Variants in GABRG3 observed in about 807,000 individuals in gnomAD.
GABRG3 encodes gamma-aminobutyric acid receptor subunit gamma-3.
In GABRG3, 25 loss-of-function variants were observed where a neutral mutation model predicts 48.8. The ratio of observed to expected loss-of-function variants is 0.51; its 90% CI spans 0.37 to 0.72. The LOEUF (loss-of-function observed/expected upper bound fraction) is 0.72. Ranked by LOEUF, GABRG3 falls within the 30% of genes least tolerant of loss-of-function variation. The pLI is 0.00. For synonymous variants in GABRG3, 227 were observed against 217.6 expected, an observed-to-expected ratio of 1.04 and a Z score of -0.38; for missense variants, 394 against 577.9, an observed-to-expected ratio of 0.68 and a Z score of 3.26.
chr15:27,182,890 A>T (rs909416255), intron 3 of GABRG3, among the ~76,000 whole-genome samples: 2 of 152,184 alleles, frequency 1.3e-5, no homozygotes, highest in African/African-American at 4.8e-5. Flanking sequence ...TGTTTACGGG[A>T]AACCTGCAAA....
At chr15:27,154,273 G>A (rs999784282) in intron 3 of GABRG3, among the ~76,000 whole-genome samples, 13 of 152,102 alleles carry the variant, frequency 8.5e-5, no homozygotes, top group African/African-American at 3.1e-4. Flanking sequence ...TAGTAGCCCT[G>A]TATCTTCAGG....
chr15:27,449,979 A>G (rs1301336927), intron 5 of GABRG3, among the ~76,000 whole-genome samples: 2 of 152,232 alleles, frequency 1.3e-5, no homozygotes, highest in Non-Finnish European at 1.5e-5. Context: ...AAATATTCAC[A>G]ATATATGAAA....
chr15:27,028,738 G>A (rs539616672), intron 3 of GABRG3, among the ~76,000 whole-genome samples: 7 of 151,256 alleles, frequency 4.6e-5, no homozygotes, highest in African/African-American at 1.2e-4. Flanking sequence ...TCCAGGAGGC[G>A]GAGGTTGCAG....
intron 2 of GABRG3, among the ~76,000 whole-genome samples, chr15:27,004,480 A>C (rs1334965151): frequency 6.6e-6 from 1 of 151,184 alleles, no homozygotes; most frequent in Admixed American, 6.6e-5. Flanking sequence ...AGCCAGGCAG[A>C]GGGGCTCCTC....
At chr15:27,451,030 G>A (rs1889095620) in intron 5 of GABRG3, among the ~76,000 whole-genome samples, 5 of 151,988 alleles carry the variant, frequency 3.3e-5, no homozygotes. Context: ...AGAAATTAAA[G>A]AAGACACAAA....
intron 3 of GABRG3, among the ~76,000 whole-genome samples, chr15:27,187,710 A>C (rs1566958629): frequency 1.3e-5 from 2 of 151,852 alleles, no homozygotes; most frequent in Admixed American, 6.6e-5. Flanking sequence ...TCTCAGCTTC[A>C]ATGTTAATTT....
intron 3 of GABRG3, among the ~76,000 whole-genome samples, chr15:27,291,522 T>G (rs892624256): frequency 2.6e-5 from 4 of 152,206 alleles, no homozygotes; most frequent in Non-Finnish European, 4.4e-5. Flanking sequence ...TCCATCAAAG[T>G]GGCAGCAGAT....
Position 27,029,254 on chromosome 15 carries a change from G to C in GABRG3, c.270+2433G>C, listed in dbSNP as rs896468917. Among the ~76,000 whole-genome samples the C allele has an allele frequency of 2.0e-5, 3 of 152,194 alleles. 1 individual carries two copies. In the South Asian group the frequency reaches 6.2e-4, roughly 32 times the overall value. ...TTGGAAGCAGCTGGCACGCAGCCCT[G>C]GGGAAGCCGAATGCTAGCAAGTGCT... is the stretch of plus-strand genomic sequence containing the variant. On this transcript the variant is annotated intron_variant, in intron 3 of 9. Coordinates refer to ENST00000615808, the MANE Select transcript of GABRG3 (RefSeq NM_033223.5).
Position 27,328,848 on chromosome 15 carries a change from C to T in GABRG3, c.534C>T (p.Phe178=). 1 of 1,614,044 alleles carries T rather than the reference C, an allele frequency of 6.2e-7. No homozygotes were observed. The highest frequency in any genetic ancestry group is 8.5e-7 in the Non-Finnish European group (1 of 1,179,886). The change falls in exon 5 of 10, where the codon TTC becomes TTT. Residue 178 remains phenylalanine, a synonymous_variant. Transcript: ENST00000615808. ...AGTGCCAGCTGCAGCTGCACAACTT[C>T]CCCATGGACGAACACTCCTGCCCGC... ...NAECQLQLHN[F]PMDEHSCPLI...
rs541176558 is a variant in GABRG3, at chr15:27,535,579, G to A, written c.*2698G>A. The stretch of plus-strand genomic sequence containing the variant: ...TGGATTTCACTAACTGAGCATCATA[G>A]TGTGGATTCCTGCATATACAGCAGG... On this transcript the variant is annotated 3_prime_UTR_variant, in exon 10 of 10. Transcript: ENST00000615808. 10 of 152,320 alleles carry A rather than the reference G, an allele frequency of 6.6e-5. No individual in the cohort carries two copies. The highest frequency in any genetic ancestry group is 3.9e-4 in the Admixed American group (6 of 15,298). 9.4% of individuals were successfully genotyped at this position (152,320 alleles called of 1,614,324 possible). A position where few individuals can be genotyped will look rare whatever the true frequency, so the allele number is the denominator to read the frequency against.
chr15:27,344,266 C>G (rs1226937237), intron 5 of GABRG3, among the ~76,000 whole-genome samples: 1 of 152,174 alleles, frequency 6.6e-6, no homozygotes, highest in Non-Finnish European at 1.5e-5. Flanking sequence ...GGGCCAAGGC[C>G]CAGGCCTGGT....
chr15:27,457,703 T>G lies in GABRG3; in HGVS notation c.575-22947T>G, dbSNP rs1051020796. On this transcript the variant is annotated intron_variant, in intron 5 of 9. Transcript: ENST00000615808. The surrounding 1 kb of genome is among the most constrained non-coding windows in gnomAD (Gnocchi z 4.4). ...AGACGCCTGGTCCAGCCTTCCTTACTCTGACCTGATGGTTGCAGTCGCCGT... is the reference window on the plus strand; with the variant it reads ...AGACGCCTGGTCCAGCCTTCCTTACGCTGACCTGATGGTTGCAGTCGCCGT... Among the ~76,000 whole-genome samples the G allele has an allele frequency of 2.0e-5, 3 of 152,154 alleles. No homozygotes were observed. The highest frequency in any genetic ancestry group is 2.0e-4 in the Admixed American group (3 of 15,282).
At chr15:27,009,833 A>G (rs1001181038) in intron 2 of GABRG3, among the ~76,000 whole-genome samples, 5 of 152,120 alleles carry the variant, frequency 3.3e-5, no homozygotes, top group African/African-American at 1.2e-4. Context: ...TAGATTCCTC[A>G]GGCAACTTCT....
intron 3 of GABRG3, among the ~76,000 whole-genome samples, chr15:27,034,730 A>G (rs1896146241): frequency 6.6e-6 from 1 of 152,214 alleles, no homozygotes; most frequent in African/African-American, 2.4e-5. Context: ...TACTTACCCC[A>G]ATCATCCAGT....
intron 5 of GABRG3, among the ~76,000 whole-genome samples, chr15:27,431,747 G>C (rs1258226726): frequency 1.3e-5 from 2 of 152,250 alleles, no homozygotes; most frequent in East Asian, 3.9e-4. Flanking sequence ...TGCTGAGCTT[G>C]TTGTGAATCT....
intron 5 of GABRG3, among the ~76,000 whole-genome samples, chr15:27,388,029 AGG>A (rs1896003629): frequency 3.2e-5 from 3 of 94,552 alleles, no homozygotes; most frequent in African/African-American, 4.5e-5. Context: ...GGAGGGAGGG[AGG>A]AAAGGAAGGA....
intron 7 of GABRG3, among the ~76,000 whole-genome samples, chr15:27,522,870 C>A (rs1258652600): frequency 2.0e-5 from 3 of 151,706 alleles, no homozygotes; most frequent in Non-Finnish European, 4.4e-5. Flanking sequence ...TTTAAATATA[C>A]TTCTATCAGC....
At chr15:27,083,255 C>A (rs994332112) in intron 3 of GABRG3, among the ~76,000 whole-genome samples, 1 of 151,726 alleles carries the variant, frequency 6.6e-6, no homozygotes, top group Non-Finnish European at 1.5e-5. Flanking sequence ...TTTTTCCTGA[C>A]TTTCATTCAG....
Position 27,537,141 on chromosome 15 carries a change from A to G in GABRG3, c.*4260A>G, listed in dbSNP as rs945440431. The G allele has an allele frequency of 6.6e-6, 1 of 152,010 alleles. No individual in the cohort carries two copies. The highest frequency in any genetic ancestry group is 2.4e-5 in the African/African-American group (1 of 41,386). 9.4% of individuals were successfully genotyped at this position (152,010 alleles called of 1,614,324 possible). On this transcript the variant is annotated 3_prime_UTR_variant, in exon 10 of 10. Coordinates refer to ENST00000615808, the MANE Select transcript of GABRG3 (RefSeq NM_033223.5). ...AATTTCTGTAAAAAAAAAAAAAAAA[A>G]AAAAGAATGGCTTAAGCTCCACATA...
Sources: gnomAD v4.1 joint callset for allele counts (sites outside exome capture counted in the v4.1 genomes callset) on GRCh38, gnomAD v4.1.1 for gene constraint, Gnocchi (gnomAD v3.1) non-coding constraint, MANE v1.5 for transcripts, NCBI Gene and HGNC (gene_info 2026-07-23, HGNC 2026-07-21) for gene names.